The following RNF220 variants were observed in gnomAD, a reference collection of about 807,000 sequenced individuals.
The protein encoded by RNF220 is E3 ubiquitin-protein ligase RNF220.
Under a neutral mutation model 67.1 loss-of-function variants are expected in RNF220, and 7 were observed. The observed-to-expected ratio is 0.10, with a 90% CI of 0.06 to 0.20. RNF220 has a LOEUF of 0.20. RNF220 is among the 10% of genes least tolerant of loss of function. The probability of loss-of-function intolerance (pLI) is 1.00; values close to 1 mark genes in which losing one functional copy is unlikely to be tolerated. For synonymous variants in RNF220, 270 were observed against 283.2 expected, an observed-to-expected ratio of 0.95 and a Z score of 0.47; for missense variants, 565 against 740.3, an observed-to-expected ratio of 0.76 and a Z score of 2.75.
chr1:44,481,112 G>C (rs1655764423), intron 2 of RNF220, among the ~76,000 whole-genome samples: 1 of 152,120 alleles, frequency 6.6e-6, no homozygotes, highest in South Asian at 2.1e-4. Context: ...CAACACCTTG[G>C]AGGTGTCTGG....
intron 2 of RNF220, among the ~76,000 whole-genome samples, chr1:44,422,052 C>A (rs370857972): frequency 1.1e-4 from 16 of 152,318 alleles, no homozygotes; most frequent in African/African-American, 3.6e-4. Flanking sequence ...ATGCAGCACC[C>A]AATTCTCCTC....
intron 3 of RNF220, among the ~76,000 whole-genome samples, chr1:44,620,219 G>A (rs532620534): frequency 6.6e-6 from 1 of 152,380 alleles, no homozygotes; most frequent in East Asian, 1.9e-4. Flanking sequence ...TCCACGGACT[G>A]TGTGACCATA....
rs142820058 is a variant in RNF220, at chr1:44,555,975, TCAC to T, written c.626-58186_626-58184del. ...TGCCCCTACCCAGAATGTATTTCTATCACCACATCATTTTCTAATTATCTGTCC... is the reference window on the plus strand; with the variant it reads ...TGCCCCTACCCAGAATGTATTTCTATCACATCATTTTCTAATTATCTGTCC... On this transcript the variant is annotated intron_variant, in intron 2 of 14. Transcript: ENST00000361799. Among the ~76,000 whole-genome samples the T allele has an allele frequency of 6.3e-3, 944 of 150,552 alleles. 69 individuals carry two copies. The highest frequency in any genetic ancestry group is 0.023 in the African/African-American group (914 of 40,176).
At chr1:44,500,051 A>G (rs6429541) in intron 2 of RNF220, among the ~76,000 whole-genome samples, 49,464 of 152,070 alleles carry the variant, frequency 0.33, 8,124 homozygotes, top group Middle Eastern at 0.4. Flanking sequence ...TCACCTAGAC[A>G]ATTTCAACAG....
intron 2 of RNF220, among the ~76,000 whole-genome samples, chr1:44,497,262 T>A (rs752036734): frequency 6.6e-6 from 1 of 152,024 alleles, no homozygotes; most frequent in South Asian, 2.1e-4. Flanking sequence ...GTGCCTACCC[T>A]ACCCACAGTC....
At chr1:44,577,517 C>T (rs182421807) in intron 2 of RNF220, among the ~76,000 whole-genome samples, 80 of 152,338 alleles carry the variant, frequency 5.3e-4, no homozygotes, top group African/African-American at 1.9e-3. Flanking sequence ...TCATTTGACA[C>T]ATATTTAATA....
At chr1:44,638,638 T>C (rs533792546) in intron 8 of RNF220, among the ~76,000 whole-genome samples, 15 of 152,164 alleles carry the variant, frequency 9.9e-5, no homozygotes, top group Admixed American at 3.3e-4. Flanking sequence ...TCAAATGTAA[T>C]CTGCTGTGGG....
chr1:44,450,404 AG>A (rs1322472753), intron 2 of RNF220, among the ~76,000 whole-genome samples: 1 of 152,174 alleles, frequency 6.6e-6, no homozygotes, highest in African/African-American at 2.4e-5. Flanking sequence ...AAAAAGTAAA[AG>A]CTTCTTACTC....
chr1:44,494,412 A>G (rs926142696), intron 2 of RNF220, among the ~76,000 whole-genome samples: 2 of 152,212 alleles, frequency 1.3e-5, no homozygotes, highest in Non-Finnish European at 2.9e-5. Context: ...TAGCATTTGC[A>G]GCATTGTTTG....
At chr1:44,464,892 T>C (rs985845771) in intron 2 of RNF220, among the ~76,000 whole-genome samples, 4 of 152,230 alleles carry the variant, frequency 2.6e-5, no homozygotes, top group Non-Finnish European at 4.4e-5. Flanking sequence ...CCAGCTATTA[T>C]CCGTATCTCA....
At chr1:44,495,382 G>A (rs1297443159) in intron 2 of RNF220, among the ~76,000 whole-genome samples, 2 of 152,180 alleles carry the variant, frequency 1.3e-5, no homozygotes, top group African/African-American at 4.8e-5. Context: ...GAAGGTTACA[G>A]CAAGATGATC....
chr1:44,433,712 T>C (rs1320813734), intron 2 of RNF220, among the ~76,000 whole-genome samples: 2 of 152,232 alleles, frequency 1.3e-5, no homozygotes, highest in Non-Finnish European at 2.9e-5. Context: ...GGCTCATGCC[T>C]GTAATCCCAC....
intron 2 of RNF220, among the ~76,000 whole-genome samples, chr1:44,562,721 T>G (rs1391829087): frequency 6.6e-6 from 1 of 152,150 alleles, no homozygotes; most frequent in Non-Finnish European, 1.5e-5. Flanking sequence ...CACAGCTCCC[T>G]GTATGCCCTC....
chr1:44,506,435 T>TTGTC (rs1409928021), intron 2 of RNF220, among the ~76,000 whole-genome samples: 2 of 152,252 alleles, frequency 1.3e-5, no homozygotes, highest in East Asian at 3.8e-4. Context: ...CATATTTCCC[T>TTGTC]TGTCTGCACA....
intron 2 of RNF220, among the ~76,000 whole-genome samples, chr1:44,601,758 G>A (rs529698482): frequency 6.6e-6 from 1 of 152,202 alleles, no homozygotes; most frequent in African/African-American, 2.4e-5. Flanking sequence ...GTGGGAAAGA[G>A]GAGACGGAGC....
At chr1:44,547,613 C>A (rs1354316149) in intron 2 of RNF220, among the ~76,000 whole-genome samples, 1 of 152,234 alleles carries the variant, frequency 6.6e-6, no homozygotes, top group East Asian at 1.9e-4. Context: ...ACACTTTAAT[C>A]TGATGAGCTC....
chr1:44,568,482 CA>C (rs1413989706), intron 2 of RNF220, among the ~76,000 whole-genome samples: 1 of 152,198 alleles, frequency 6.6e-6, no homozygotes. Flanking sequence ...AGTGCCTGGC[CA>C]CATGGTAAAT....
chr1:44,444,159 G>T (rs1453159344), intron 2 of RNF220, among the ~76,000 whole-genome samples: 1 of 152,118 alleles, frequency 6.6e-6, no homozygotes, highest in Non-Finnish European at 1.5e-5. Flanking sequence ...GTTTCTCCTT[G>T]ATTATAACCC....
At position 44,559,534 on chromosome 1, in the gene RNF220, C is replaced by T. The variant is rs189570509; in HGVS notation, c.626-54631C>T. 5.2e-3 allele frequency among the ~76,000 whole-genome samples: 787 copies of T among 152,316 alleles called. 6 individuals are homozygous for T. The highest frequency in any genetic ancestry group is 0.018 in the African/African-American group (747 of 41,578). On this transcript the variant is annotated intron_variant, in intron 2 of 14. Coordinates refer to ENST00000361799, the MANE Select transcript of RNF220 (RefSeq NM_018150.4). Reference sequence around the variant, plus strand: ...GATGAGAAGGAGGAAGGGAGGGCGGCGGCACCGCAGGATCAGGCTGCGCTC... The same window carrying T: ...GATGAGAAGGAGGAAGGGAGGGCGGTGGCACCGCAGGATCAGGCTGCGCTC...
Sources: allele counts gnomAD v4.1 joint callset (sites outside exome capture counted in the v4.1 genomes callset), GRCh38; gene constraint gnomAD v4.1.1; transcripts MANE v1.5; gene names NCBI Gene and HGNC (gene_info 2026-07-23, HGNC 2026-07-21).